The following CHAF1B variants were observed in gnomAD, a reference collection of about 807,000 sequenced individuals.
CHAF1B encodes the protein CAF-1 subunit B.
A neutral mutation model predicts 60.7 loss-of-function variants in CHAF1B; 10 were observed. The ratio of observed to expected loss-of-function variants is 0.16; its 90% confidence interval spans 0.10 to 0.28. The LOEUF is 0.28. Ranked by LOEUF, CHAF1B falls within the 10% of genes least tolerant of loss-of-function variation. CHAF1B has a pLI of 1.00. For synonymous variants in CHAF1B, 261 were observed against 266.1 expected, an observed-to-expected ratio of 0.98 and a Z score of 0.19; for missense variants, 558 against 708.4, an observed-to-expected ratio of 0.79 and a Z score of 2.41.
chr21:36,400,541 G>A (rs904290880), intron 7 of CHAF1B, among the ~76,000 whole-genome samples: 7 of 152,208 alleles, frequency 4.6e-5, no homozygotes, highest in African/African-American at 9.6e-5. Context: ...CCTGAGTGGC[G>A]TGATTCACTT....
At position 36,386,241 on chromosome 21, in the gene CHAF1B, C is replaced by T. The variant is rs369391435; in HGVS notation, c.105C>T (p.Ala35=). ...GGAGGATCCACAGACTGGCGTCTGC[C>T]GGCGTGGACACCAATGTCAGGGTAA... ...TAGRIHRLAS[A]GVDTNVRIWK... The change falls in exon 2 of 14, where the codon GCC becomes GCT. Residue 35 remains alanine, a synonymous_variant. Coordinates refer to ENST00000314103, the MANE Select transcript of CHAF1B (RefSeq NM_005441.3). The T allele has an allele frequency of 2.1e-4, 338 of 1,614,108 alleles. 2 individuals are homozygous for T. The Middle Eastern group carries it at 2.8e-3, about 13-fold the overall frequency.
chr21:36,410,508 T>C (rs1429773463), intron 10 of CHAF1B, among the ~76,000 whole-genome samples: 2 of 152,138 alleles, frequency 1.3e-5, no homozygotes, highest in Non-Finnish European at 2.9e-5. Context: ...TTTGGAAGTC[T>C]CTATAGCTGT....
intron 8 of CHAF1B, among the ~76,000 whole-genome samples, chr21:36,406,960 T>C (rs2086242176): frequency 6.6e-6 from 1 of 152,024 alleles, no homozygotes; most frequent in African/African-American, 2.4e-5. Flanking sequence ...AGAAAACTCT[T>C]GTAAGGAAAT....
chr21:36,391,633 G>A lies in CHAF1B; in HGVS notation c.342G>A (p.Leu114=). The change falls in exon 4 of 14, where the codon CTG becomes CTA. Residue 114 remains leucine, a synonymous_variant. Transcript: ENST00000314103. ...TTCAGGATGAGGACGAGGCCCAGCT[G>A]AACAAGGAGAACTGGACGGTTGTGA... The part of the protein sequence containing the change: ...IAFQDEDEAQ[L]NKENWTVVKT... 6.2e-7 allele frequency: 1 copy of A among 1,613,388 alleles called. No individual in the cohort carries two copies. Among genetic ancestry groups the A allele is most frequent in the Middle Eastern group, 1.7e-4 (1 of 6,056 alleles).
At position 36,409,408 on chromosome 21, in the gene CHAF1B, A is replaced by G. The variant is rs193921141; in HGVS notation, c.862A>G (p.Thr288Ala). ...TCATCTTCCATGTCCTGGAAAAGCC[A>G]CTCTTGCTGTTCGCTGCTGTCCGGT... ...IAHLPCPGKA[T>A]LAVRCCPVYF... Residue 288 changes from threonine to alanine, a missense_variant, in exon 10 of 14, where the codon ACT becomes GCT. Thr to Ala is a moderately conservative substitution (Grantham distance 58). Coordinates refer to ENST00000314103, the MANE Select transcript of CHAF1B (RefSeq NM_005441.3). The G allele has an allele frequency of 1.2e-6, 2 of 1,613,140 alleles. No individual in the cohort carries two copies.
Position 36,391,637 on chromosome 21 carries a change from A to G in CHAF1B, c.346A>G (p.Lys116Glu). 6.2e-7 allele frequency: 1 copy of G among 1,613,400 alleles called. No homozygotes were observed. Among genetic ancestry groups the G allele is most frequent in the Non-Finnish European group, 8.5e-7 (1 of 1,179,468 alleles). ...GGATGAGGACGAGGCCCAGCTGAAC[A>G]AGGAGAACTGGACGGTTGTGAAGAC... ...FQDEDEAQLNKENWTVVKTLR... is the reference protein window; with the variant it reads ...FQDEDEAQLNEENWTVVKTLR... Residue 116 changes from lysine (K) to glutamate (E), a missense_variant, in exon 4 of 14, where the codon AAG becomes GAG. Lys to Glu is a moderately conservative substitution (Grantham distance 56). Transcript: ENST00000314103.
chr21:36,393,721 T>C (rs1484226679), intron 4 of CHAF1B, among the ~76,000 whole-genome samples: 3 of 152,158 alleles, frequency 2.0e-5, no homozygotes, highest in Non-Finnish European at 2.9e-5. Context: ...CCCAAAGTGC[T>C]GGGATTACAG....
chr21:36,406,538 A>C (rs2086239576), intron 8 of CHAF1B, among the ~76,000 whole-genome samples: 1 of 151,954 alleles, frequency 6.6e-6, no homozygotes. Context: ...CACCCGCCTC[A>C]GCCTCCCAAA....
At chr21:36,403,229 G>A (rs373052760) in intron 8 of CHAF1B, among the ~76,000 whole-genome samples, 2 of 151,964 alleles carry the variant, frequency 1.3e-5, no homozygotes, top group African/African-American at 2.4e-5. Context: ...AGGCTGAGGC[G>A]GGCGGATCAC....
intron 5 of CHAF1B, among the ~76,000 whole-genome samples, chr21:36,396,370 A>T (rs202049867): frequency 6.7e-6 from 1 of 149,698 alleles, no homozygotes; most frequent in Non-Finnish European, 1.5e-5. Context: ...AAAAAAAAAA[A>T]AAAAAAAAAA....
rs909355925 is a variant in CHAF1B, at chr21:36,387,468, A to G, written c.127-130A>G. On this transcript the variant is annotated intron_variant, in intron 2 of 13. Coordinates refer to ENST00000314103, the MANE Select transcript of CHAF1B (RefSeq NM_005441.3). The stretch of plus-strand genomic sequence containing the variant: ...ACTCCTGGCCTCAAGTGATTTACCC[A>G]CCTTGGCCTCCTAAACTGCTGGGAT... 25 of 1,128,166 alleles carry G rather than the reference A, an allele frequency of 2.2e-5. No homozygotes were observed. The African/African-American group carries it at 3.3e-4, about 15-fold the overall frequency. The allele number at this position is 1,128,166 out of a possible 1,614,324, so 69.9% of individuals were successfully genotyped here.
At chr21:36,405,293 A>T (rs2086228999) in intron 8 of CHAF1B, among the ~76,000 whole-genome samples, 2 of 152,184 alleles carry the variant, frequency 1.3e-5, no homozygotes, top group Non-Finnish European at 2.9e-5. Context: ...ATTTGATAAG[A>T]TGGCTGGATA....
At chr21:36,396,522 G>A (rs773663896) in intron 5 of CHAF1B, among the ~76,000 whole-genome samples, 5 of 151,832 alleles carry the variant, frequency 3.3e-5, no homozygotes, top group Non-Finnish European at 7.4e-5. Context: ...AATTAGCTGG[G>A]TGTGGTAGTA....
chr21:36,405,449 C>A (rs2086230591), intron 8 of CHAF1B, among the ~76,000 whole-genome samples: 1 of 151,902 alleles, frequency 6.6e-6, no homozygotes, highest in Non-Finnish European at 1.5e-5. Flanking sequence ...TTTTTTGAGA[C>A]AGGGTCTCAC....
intron 12 of CHAF1B, 129 bp downstream of exon 12, chr21:36,413,444 C>G: frequency 2.3e-6 from 2 of 855,298 alleles, no homozygotes; most frequent in Non-Finnish European, 3.5e-6. Flanking sequence ...CAGAGAGATT[C>G]TTAACTTCAA....
chr21:36,398,055 ATTT>A (rs757116185), intron 6 of CHAF1B: 8 of 132,672 alleles, frequency 6.0e-5, no homozygotes, highest in South Asian at 2.4e-4. Context: ...TATTATTACT[ATTT>A]TTTTTTTTTT....
rs374791353 is a variant in CHAF1B at position 36,402,753 on chromosome 21, G to A, written c.664-5G>A. 1.5e-4 allele frequency: 240 copies of A among 1,605,488 alleles called. No individual in the cohort carries two copies. The highest frequency in any genetic ancestry group is 1.8e-4 in the Non-Finnish European group (212 of 1,176,914). On this transcript the variant is annotated splice_polypyrimidine_tract_variant and splice_region_variant and intron_variant, in intron 7 of 13. Transcript: ENST00000314103. ...AATAATAAAAATAAATTTTGTGTGCGACAGGCAAGAAGCTACCGGATGTTT... is the reference window on the plus strand; with the variant it reads ...AATAATAAAAATAAATTTTGTGTGCAACAGGCAAGAAGCTACCGGATGTTT...
Position 36,413,124 on chromosome 21 carries a change from C to A in CHAF1B, c.1302C>A (p.Pro434=). Residue 434 remains proline (P), a synonymous_variant, in exon 12 of 14, where the codon CCC becomes CCA. Coordinates refer to ENST00000314103, the MANE Select transcript of CHAF1B (RefSeq NM_005441.3). Reference sequence around the variant, plus strand: ...ACCCCAGCAGCCCCGGCACGACTCCCCCTCAGGCCAGACAGGCCCCAGCCC... The same window carrying A: ...ACCCCAGCAGCCCCGGCACGACTCCACCTCAGGCCAGACAGGCCCCAGCCC... ...TQDPSSPGTT[P]PQARQAPAPT... 1 of 1,614,078 alleles carries A rather than the reference C, an allele frequency of 6.2e-7. No individual in the cohort carries two copies. Among genetic ancestry groups the A allele is most frequent in the Non-Finnish European group, 8.5e-7 (1 of 1,180,014 alleles).
intron 5 of CHAF1B, among the ~76,000 whole-genome samples, chr21:36,395,115 A>G (rs1320567913): frequency 6.6e-6 from 1 of 151,886 alleles, no homozygotes; most frequent in Non-Finnish European, 1.5e-5. Flanking sequence ...CAATGTCACA[A>G]TCTTAGCTCA....
Sources: allele counts gnomAD v4.1 joint callset (sites outside exome capture counted in the v4.1 genomes callset), GRCh38; gene constraint gnomAD v4.1.1; transcripts MANE v1.5; gene names NCBI Gene and HGNC (gene_info 2026-07-23, HGNC 2026-07-21).